The following PNLIP variants were observed in gnomAD, a reference collection of about 807,000 sequenced individuals.
PNLIP encodes pancreatic triacylglycerol lipase.
PNLIP carries 49 observed loss-of-function variants against 57.1 expected under a neutral mutation model. The ratio of observed to expected loss-of-function variants is 0.86; its 90% CI spans 0.68 to 1.09. The LOEUF (loss-of-function observed/expected upper bound fraction) is 1.09. PNLIP is among the 50% of genes least tolerant of loss of function. The pLI is 0.00. For synonymous variants in PNLIP, 209 were observed against 200.4 expected, an observed-to-expected ratio of 1.04 and a Z score of -0.36; for missense variants, 503 against 570.2, an observed-to-expected ratio of 0.88 and a Z score of 1.20.
At chr10:116,565,643 A>G (rs949519878) in intron 12 of PNLIP, among the ~76,000 whole-genome samples, 1 of 151,778 alleles carries the variant, frequency 6.6e-6, no homozygotes. Context: ...TATTTTTAGT[A>G]TAAGTGGGAT....
intron 5 of PNLIP, among the ~76,000 whole-genome samples, chr10:116,553,264 C>T (rs1176134716): frequency 6.6e-6 from 1 of 152,170 alleles, no homozygotes; most frequent in Non-Finnish European, 1.5e-5. Context: ...CACCACCACG[C>T]CCAGGTAATT....
At position 116,554,240 on chromosome 10, in the gene PNLIP, T is replaced by C. The variant is rs117730782; in HGVS notation, c.571+402T>C. ...ATGTCTATTTCCCCATTGACCGACA[T>C]TCACAAAGGACAAGTTTCATGAATA... is the stretch of plus-strand genomic sequence containing the variant. On this transcript the variant is annotated intron_variant, in intron 6 of 12. Coordinates refer to ENST00000369221, the MANE Select transcript of PNLIP (RefSeq NM_000936.4). Among the ~76,000 whole-genome samples, 335 of 152,278 alleles carry C rather than the reference T, an allele frequency of 2.2e-3. 6 individuals are homozygous for C. The East Asian group carries it at 0.028, about 13-fold the overall frequency.
chr10:116,567,698 G>A (rs1450672075), intron 12 of PNLIP, 37 bp from the exon 13 acceptor site: 1 of 1,558,082 alleles, frequency 6.4e-7, no homozygotes, highest in Admixed American at 1.7e-5. Flanking sequence ...TATGTGCCAG[G>A]AAGAGGAGGT....
chr10:116,555,719 C>T (rs1847246305), intron 8 of PNLIP, among the ~76,000 whole-genome samples: 1 of 152,178 alleles, frequency 6.6e-6, no homozygotes, highest in African/African-American at 2.4e-5. Context: ...TTCAGAGTAC[C>T]TAATTCAGGG....
At chr10:116,558,258 C>T (rs1373645825) in intron 9 of PNLIP, among the ~76,000 whole-genome samples, 2 of 148,318 alleles carry the variant, frequency 1.3e-5, no homozygotes, top group Non-Finnish European at 3.0e-5. Context: ...AGTGCAGTGG[C>T]GCTGTCTTGG....
chr10:116,561,758 T>C, intron 12 of PNLIP, 122 bp downstream of exon 12: 1 of 735,816 alleles, frequency 1.4e-6, no homozygotes, highest in East Asian at 2.5e-5. Context: ...TAGTTGCAGT[T>C]GCTTCCTAAT....
chr10:116,551,084 G>T lies in PNLIP; in HGVS notation c.325-14G>T, dbSNP rs538122926. ...CCTGAATTATTTATCTGTTTATTGT[G>T]CCCCTTCCACCAGAATCTGTTCAAG... is the stretch of plus-strand genomic sequence containing the variant. On this transcript the variant is annotated splice_polypyrimidine_tract_variant and intron_variant, in intron 4 of 12. Transcript: ENST00000369221. 1.9e-6 allele frequency: 3 copies of T among 1,561,590 alleles called. No homozygotes were observed. Among genetic ancestry groups the T allele is most frequent in the East Asian group, 4.7e-5 (2 of 42,552 alleles).
At chr10:116,546,983 C>T (rs1298463583) in intron 2 of PNLIP, among the ~76,000 whole-genome samples, 3 of 152,216 alleles carry the variant, frequency 2.0e-5, no homozygotes, top group African/African-American at 7.2e-5. Flanking sequence ...AGGGCTGTCC[C>T]TTTCTTGAGC....
intron 12 of PNLIP, among the ~76,000 whole-genome samples, chr10:116,566,242 A>G (rs1847366391): frequency 6.6e-6 from 1 of 152,256 alleles, no homozygotes. Context: ...CAAGGAATGA[A>G]CTAATGGTAC....
At chr10:116,556,690 CT>C (rs1847257474) in intron 9 of PNLIP, among the ~76,000 whole-genome samples, 1 of 149,916 alleles carries the variant, frequency 6.7e-6, no homozygotes, top group Admixed American at 6.6e-5. Context: ...TGGTTGAATT[CT>C]TTATATGTGA....
chr10:116,555,091 A>G (rs1044620553), intron 6 of PNLIP, 87 bp from the exon 7 acceptor site: 2 of 1,410,338 alleles, frequency 1.4e-6, no homozygotes, highest in Middle Eastern at 1.9e-4. Flanking sequence ...GAACCCGTTC[A>G]TCCCTTTCCA....
chr10:116,555,607 T>G, intron 8 of PNLIP, 100 bp downstream of exon 8: 1 of 1,299,828 alleles, frequency 7.7e-7, no homozygotes, highest in South Asian at 1.4e-5. Flanking sequence ...GGTCTCACAT[T>G]TTACATAACA....
intron 4 of PNLIP, among the ~76,000 whole-genome samples, chr10:116,550,285 C>G (rs1847176940): frequency 6.6e-6 from 1 of 151,516 alleles, no homozygotes; most frequent in African/African-American, 2.4e-5. Context: ...GTCTCGATCT[C>G]ATGACCTTGT....
rs1398158956 is a variant in PNLIP at position 116,553,815 on chromosome 10, A to G, written c.548A>G (p.Asn183Ser). 9 of 1,611,060 alleles carry G rather than the reference A, an allele frequency of 5.6e-6. No homozygotes were observed. The highest frequency in any genetic ancestry group is 4.5e-5 in the East Asian group (2 of 44,842). ...HAAGEAGRRT[N>S]GTIGRITGLD... Reference sequence around the variant, plus strand: ...GCTGGGGAGGCTGGAAGGAGAACCAATGGGACCATTGGACGCATCACAGGT... The same window carrying G: ...GCTGGGGAGGCTGGAAGGAGAACCAGTGGGACCATTGGACGCATCACAGGT... The change falls in exon 6 of 13, where the codon AAT becomes AGT. Residue 183 changes from asparagine (N) to serine (S), a missense_variant. Transcript: ENST00000369221.
At chr10:116,553,281 C>G (rs977918811) in intron 5 of PNLIP, among the ~76,000 whole-genome samples, 1 of 152,052 alleles carries the variant, frequency 6.6e-6, no homozygotes, top group African/African-American at 2.4e-5. Context: ...AATTTTTTTA[C>G]TTTTGTAGAG....
chr10:116,555,118 T>C, intron 6 of PNLIP, 60 bp from the exon 7 acceptor site: 1 of 1,586,654 alleles, frequency 6.3e-7, no homozygotes, highest in Non-Finnish European at 8.7e-7. Flanking sequence ...ACTCATATTT[T>C]ACTCTTAATA....
chr10:116,564,944 A>G (rs1814343059), intron 12 of PNLIP, among the ~76,000 whole-genome samples: 1 of 152,222 alleles, frequency 6.6e-6, no homozygotes, highest in African/African-American at 2.4e-5. Flanking sequence ...GGAATAAAAT[A>G]TAATCCAAAA....
chr10:116,560,301 ACACACAC>A, intron 10 of PNLIP, 108 bp from the exon 11 acceptor site: 1 of 612,216 alleles, frequency 1.6e-6, no homozygotes. Context: ...ACACACACAC[ACACACAC>A]AATTATAAAT....
intron 9 of PNLIP, 116 bp downstream of exon 9, chr10:116,556,234 T>C (rs1847252561): frequency 3.0e-6 from 2 of 663,976 alleles, no homozygotes; most frequent in South Asian, 3.8e-5. Context: ...AACTTATACA[T>C]GCCTTTAATT....
Sources: allele counts gnomAD v4.1 joint callset (sites outside exome capture counted in the v4.1 genomes callset), GRCh38; gene constraint gnomAD v4.1.1; transcripts MANE v1.5; gene names NCBI Gene and HGNC (gene_info 2026-07-23, HGNC 2026-07-21).